Variants in RAMP2 observed in about 807,000 individuals in gnomAD.
RAMP2 encodes receptor activity modifying protein 2.
RAMP2 carries 11 observed loss-of-function variants against 18.2 expected under a neutral mutation model. The ratio of observed to expected loss-of-function variants is 0.60; its 90% confidence interval spans 0.38 to 1.00. RAMP2 has a LOEUF of 1.00. Among genes scored for constraint, RAMP2 ranks in the 50% least tolerant of loss-of-function variants. RAMP2 has a pLI of 0.01. For missense variants in RAMP2, 191 were observed against 226.5 expected, an observed-to-expected ratio of 0.84 and a Z score of 1.01; for synonymous variants, 86 against 90.8, an observed-to-expected ratio of 0.95 and a Z score of 0.30.
chr17:42,761,267 C>T lies in RAMP2; in HGVS notation c.6C>T (p.Ala2=). M[A]SLRVERAGGP... Reference sequence around the variant, plus strand: ...CCTCGCCTCCTTGCTGCACGATGGCCTCGCTCCGGGTGGAGCGCGCCGGCG... The same window carrying T: ...CCTCGCCTCCTTGCTGCACGATGGCTTCGCTCCGGGTGGAGCGCGCCGGCG... The change falls in exon 1 of 4, where the codon GCC becomes GCT. Residue 2 remains alanine, a synonymous_variant. Coordinates refer to ENST00000253796, the MANE Select transcript of RAMP2 (RefSeq NM_005854.3). This position sits in a 1 kb window ranked among gnomAD's most constrained non-coding sequence, Gnocchi z 4.2. 1 of 1,453,520 alleles carries T rather than the reference C, an allele frequency of 6.9e-7. No homozygotes were observed. Among genetic ancestry groups the T allele is most frequent in the Non-Finnish European group, 9.0e-7 (1 of 1,108,694 alleles). 90.0% of individuals were successfully genotyped at this position (1,453,520 alleles called of 1,614,324 possible).
Position 42,761,330 on chromosome 17 carries a change from AGCGCTCCGCC to A in RAMP2, c.70_79del (p.Ala24SerfsTer9). ...CTAGGACCCGAGTCGGGCGGCCGGC[AGCGCTCCGCC>A]TCCTCCTCCTGCTGGGCGGTGAGCG... On this transcript the variant is annotated frameshift_variant, in exon 1 of 4. Transcript: ENST00000253796. LOFTEE classifies it high-confidence loss of function. This position sits in a 1 kb window ranked among gnomAD's most constrained non-coding sequence, Gnocchi z 4.2. The A allele has an allele frequency of 7.9e-7, 1 of 1,271,538 alleles. No individual in the cohort carries two copies. The highest frequency in any genetic ancestry group is 1.0e-6 in the Non-Finnish European group (1 of 1,004,854). 78.8% of individuals were successfully genotyped at this position (1,271,538 alleles called of 1,614,324 possible).
chr17:42,762,352 C>T lies in RAMP2; in HGVS notation c.164-3C>T. Reference sequence around the variant, plus strand: ...GGTCATTGTGTAGCATCTGTACCTACAGGGGGGACGGTGAAGAACTATGAG... The same window carrying T: ...GGTCATTGTGTAGCATCTGTACCTATAGGGGGGACGGTGAAGAACTATGAG... On this transcript the variant is annotated splice_region_variant and splice_polypyrimidine_tract_variant and intron_variant, in intron 2 of 3. Coordinates refer to ENST00000253796, the MANE Select transcript of RAMP2 (RefSeq NM_005854.3). The T allele has an allele frequency of 6.2e-7, 1 of 1,614,028 alleles. No homozygotes were observed. The highest frequency in any genetic ancestry group is 8.5e-7 in the Non-Finnish European group (1 of 1,179,960).
In RAMP2 at chr17:42,761,381, C is replaced by A; in HGVS notation, c.97+23C>A. 1 of 1,304,672 alleles carries A rather than the reference C, an allele frequency of 7.7e-7. No individual in the cohort carries two copies. The allele number at this position is 1,304,672 out of a possible 1,614,324, so 80.8% of individuals were successfully genotyped here. A position where few individuals can be genotyped will look rare whatever the true frequency, so the allele number is the denominator to read the frequency against. ...GCGGTGAGCGCGGCGCCCCGAGGCC[C>A]GGGCGGGAGGCGCGAGAGGCCCCGG... On this transcript the variant is annotated intron_variant, in intron 1 of 3. Coordinates refer to ENST00000253796, the MANE Select transcript of RAMP2 (RefSeq NM_005854.3). The surrounding 1 kb of genome is among the most constrained non-coding windows in gnomAD (Gnocchi z 4.2).
In RAMP2 at chr17:42,761,360, T is replaced by G; in HGVS notation, c.97+2T>G. ...TCCGCCTCCTCCTCCTGCTGGGCGG[T>G]GAGCGCGGCGCCCCGAGGCCCGGGC... On this transcript the variant is annotated splice_donor_variant, in intron 1 of 3. Coordinates refer to ENST00000253796, the MANE Select transcript of RAMP2 (RefSeq NM_005854.3). LOFTEE classifies it high-confidence loss of function. The surrounding 1 kb of genome is among the most constrained non-coding windows in gnomAD (Gnocchi z 4.2). 1 of 1,324,522 alleles carries G rather than the reference T, an allele frequency of 7.5e-7. No individual in the cohort carries two copies. The highest frequency in any genetic ancestry group is 9.6e-7 in the Non-Finnish European group (1 of 1,043,410). The allele number at this position is 1,324,522 out of a possible 1,614,324, so 82.0% of individuals were successfully genotyped here.
chr17:42,761,963 G>A lies in RAMP2; in HGVS notation c.163+64G>A. 6.9e-7 allele frequency: 1 copy of A among 1,445,822 alleles called. No individual in the cohort carries two copies. The highest frequency in any genetic ancestry group is 1.2e-5 in the South Asian group (1 of 83,506). 89.6% of individuals were successfully genotyped at this position (1,445,822 alleles called of 1,614,324 possible). A position where few individuals can be genotyped will look rare whatever the true frequency, so the allele number is the denominator to read the frequency against. On this transcript the variant is annotated intron_variant, in intron 2 of 3. Transcript: ENST00000253796. The surrounding 1 kb of genome is among the most constrained non-coding windows in gnomAD (Gnocchi z 4.2). ...GACGAGAGCAAGTTCAGTGGGGAGG[G>A]TTCCTTTCCCACGAGGCCTGCCCAA... is the stretch of plus-strand genomic sequence containing the variant.
In RAMP2 at chr17:42,761,341, T is replaced by C; in HGVS notation, c.80T>C (p.Leu27Pro). ...TRVGRPAALR[L>P]LLLLGAVLNP... ...GTCGGGCGGCCGGCAGCGCTCCGCC[T>C]CCTCCTCCTGCTGGGCGGTGAGCGC... is the stretch of plus-strand genomic sequence containing the variant. Residue 27 changes from leucine (L) to proline (P), a missense_variant, in exon 1 of 4, where the codon CTC becomes CCC. By Grantham distance (98) the Leu-to-Pro change is moderately conservative (BLOSUM62 -3). Transcript: ENST00000253796. The surrounding 1 kb of genome is among the most constrained non-coding windows in gnomAD (Gnocchi z 4.2). 1 of 1,355,296 alleles carries C rather than the reference T, an allele frequency of 7.4e-7. No homozygotes were observed. The highest frequency in any genetic ancestry group is 9.4e-7 in the Non-Finnish European group (1 of 1,063,570). 84.0% of individuals were successfully genotyped at this position (1,355,296 alleles called of 1,614,324 possible). A position where few individuals can be genotyped will look rare whatever the true frequency, so the allele number is the denominator to read the frequency against.
In RAMP2 at chr17:42,762,582, C is replaced by A; in HGVS notation, c.273-15C>A. On this transcript the variant is annotated splice_polypyrimidine_tract_variant and intron_variant, in intron 3 of 3. Transcript: ENST00000253796. ...GTCCACCCCCTCTCTCACTCAAGTC[C>A]TCTTCTGCCCCTAGGCCTTATAGCA... The A allele has an allele frequency of 6.2e-7, 1 of 1,606,562 alleles. No individual in the cohort carries two copies. The highest frequency in any genetic ancestry group is 8.5e-7 in the Non-Finnish European group (1 of 1,174,096).
Position 42,761,435 on chromosome 17 carries a change from G to A in RAMP2, c.97+77G>A, listed in dbSNP as rs1475932735. On this transcript the variant is annotated intron_variant, in intron 1 of 3. Coordinates refer to ENST00000253796, the MANE Select transcript of RAMP2 (RefSeq NM_005854.3). The surrounding 1 kb of genome is among the most constrained non-coding windows in gnomAD (Gnocchi z 4.2). Reference sequence around the variant, plus strand: ...GGAGAGGGGAGAGGGGAGAGGGGCTGGATGGCCGAGGCCGGAACGGGCCCT... The same window carrying A: ...GGAGAGGGGAGAGGGGAGAGGGGCTAGATGGCCGAGGCCGGAACGGGCCCT... The A allele has an allele frequency of 8.6e-7, 1 of 1,158,436 alleles. No homozygotes were observed. Among genetic ancestry groups the A allele is most frequent in the African/African-American group, 1.6e-5 (1 of 61,282 alleles). The allele number at this position is 1,158,436 out of a possible 1,614,324, so 71.8% of individuals were successfully genotyped here. A position where few individuals can be genotyped will look rare whatever the true frequency, so the allele number is the denominator to read the frequency against.
chr17:42,761,438 T>G lies in RAMP2; in HGVS notation c.97+80T>G. The G allele has an allele frequency of 8.7e-7, 1 of 1,154,920 alleles. No individual in the cohort carries two copies. The highest frequency in any genetic ancestry group is 2.3e-5 in the South Asian group (1 of 42,646). 71.5% of individuals were successfully genotyped at this position (1,154,920 alleles called of 1,614,324 possible). On this transcript the variant is annotated intron_variant, in intron 1 of 3. Coordinates refer to ENST00000253796, the MANE Select transcript of RAMP2 (RefSeq NM_005854.3). This position sits in a 1 kb window ranked among gnomAD's most constrained non-coding sequence, Gnocchi z 4.2. Reference sequence around the variant, plus strand: ...GAGGGGAGAGGGGAGAGGGGCTGGATGGCCGAGGCCGGAACGGGCCCTGGG... The same window carrying G: ...GAGGGGAGAGGGGAGAGGGGCTGGAGGGCCGAGGCCGGAACGGGCCCTGGG...
chr17:42,762,944 A>C lies in RAMP2; in HGVS notation c.*92A>C. Reference sequence around the variant, plus strand: ...CCTCCTACTCCCTTTTCTCACTCTCATCCCCACCACAGATCCCTGGATTGC... The same window carrying C: ...CCTCCTACTCCCTTTTCTCACTCTCCTCCCCACCACAGATCCCTGGATTGC... On this transcript the variant is annotated 3_prime_UTR_variant, in exon 4 of 4. Coordinates refer to ENST00000253796, the MANE Select transcript of RAMP2 (RefSeq NM_005854.3). 2.1e-4 allele frequency: 280 copies of C among 1,349,804 alleles called. No individual in the cohort carries two copies. The highest frequency in any genetic ancestry group is 2.6e-4 in the Non-Finnish European group (257 of 995,166). 83.6% of individuals were successfully genotyped at this position (1,349,804 alleles called of 1,614,324 possible).
In RAMP2 at chr17:42,763,012, T is replaced by C. The variant is rs2054375465; in HGVS notation, c.*160T>C. ...TGGGGTCATGGCACAAGTTCTGTAATCTTCAAAATAAAACTTTTTTTTTGT... is the reference window on the plus strand; with the variant it reads ...TGGGGTCATGGCACAAGTTCTGTAACCTTCAAAATAAAACTTTTTTTTTGT... On this transcript the variant is annotated 3_prime_UTR_variant, in exon 4 of 4. Transcript: ENST00000253796. 4.7e-6 allele frequency: 4 copies of C among 855,368 alleles called. No individual in the cohort carries two copies. The highest frequency in any genetic ancestry group is 6.8e-6 in the Non-Finnish European group (4 of 587,212). 53.0% of individuals were successfully genotyped at this position (855,368 alleles called of 1,614,324 possible). A position where few individuals can be genotyped will look rare whatever the true frequency, so the allele number is the denominator to read the frequency against.
chr17:42,762,711 C>T lies in RAMP2; in HGVS notation c.387C>T (p.Ala129=). The change falls in exon 4 of 4, where the codon GCC becomes GCT. Residue 129 remains alanine, a synonymous_variant. Coordinates refer to ENST00000253796, the MANE Select transcript of RAMP2 (RefSeq NM_005854.3). ...TTGAGACTCACCAGATCCACTTTGCCAACTGCTCCCTGGTGCAGCCCACCT... is the reference window on the plus strand; with the variant it reads ...TTGAGACTCACCAGATCCACTTTGCTAACTGCTCCCTGGTGCAGCCCACCT... ...IIFETHQIHF[A]NCSLVQPTFS... 6.2e-7 allele frequency: 1 copy of T among 1,614,132 alleles called. No individual in the cohort carries two copies. Among genetic ancestry groups the T allele is most frequent in the Non-Finnish European group, 8.5e-7 (1 of 1,180,000 alleles).
chr17:42,762,506 C>T, intron 3 of RAMP2, 43 bp downstream of exon 3: 1 of 1,611,078 alleles, frequency 6.2e-7, no homozygotes, highest in Non-Finnish European at 8.5e-7. Context: ...GGGGGTGGAC[C>T]TGCTCATTGC....
chr17:42,761,718 C>T lies in RAMP2; in HGVS notation c.98-116C>T. 1.1e-6 allele frequency: 1 copy of T among 890,132 alleles called. No individual in the cohort carries two copies. The highest frequency in any genetic ancestry group is 1.5e-5 in the South Asian group (1 of 65,784). 55.1% of individuals were successfully genotyped at this position (890,132 alleles called of 1,614,324 possible). A position where few individuals can be genotyped will look rare whatever the true frequency, so the allele number is the denominator to read the frequency against. On this transcript the variant is annotated intron_variant, in intron 1 of 3. Coordinates refer to ENST00000253796, the MANE Select transcript of RAMP2 (RefSeq NM_005854.3). This position sits in a 1 kb window ranked among gnomAD's most constrained non-coding sequence, Gnocchi z 4.2. Reference sequence around the variant, plus strand: ...GGCGTCCGTGGGGGCTAGATTATTCCTCCTTTTCTTCCAAGGTAGCCTATT... The same window carrying T: ...GGCGTCCGTGGGGGCTAGATTATTCTTCCTTTTCTTCCAAGGTAGCCTATT...
At position 42,761,806 on chromosome 17, in the gene RAMP2, T is replaced by C; in HGVS notation, c.98-28T>C. The C allele has an allele frequency of 6.5e-7, 1 of 1,545,612 alleles. No individual in the cohort carries two copies. The highest frequency in any genetic ancestry group is 1.7e-5 in the Admixed American group (1 of 59,886). ...TCCACTGCCGGGGTCCCCGCTATGT[T>C]ACCCTCCTCTCCCGTTTCTTCCCAC... On this transcript the variant is annotated intron_variant, in intron 1 of 3. Coordinates refer to ENST00000253796, the MANE Select transcript of RAMP2 (RefSeq NM_005854.3). The surrounding 1 kb of genome is among the most constrained non-coding windows in gnomAD (Gnocchi z 4.2).
Position 42,762,714 on chromosome 17 carries a change from C to CTGCTCCCTGG in RAMP2, c.394_403dup (p.Gln135LeufsTer9). On this transcript the variant is annotated frameshift_variant, in exon 4 of 4. Transcript: ENST00000253796. LOFTEE classifies it high-confidence loss of function. ...AGACTCACCAGATCCACTTTGCCAACTGCTCCCTGGTGCAGCCCACCTTCT... is the reference window on the plus strand; with the variant it reads ...AGACTCACCAGATCCACTTTGCCAACTGCTCCCTGGTGCTCCCTGGTGCAGCCCACCTTCT... 2 of 1,614,150 alleles carry CTGCTCCCTGG rather than the reference C, an allele frequency of 1.2e-6. No homozygotes were observed. Among genetic ancestry groups the CTGCTCCCTGG allele is most frequent in the Non-Finnish European group, 1.7e-6 (2 of 1,180,004 alleles).
In RAMP2 at chr17:42,761,245, C is replaced by A. The variant is rs1365268922; in HGVS notation, c.-17C>A. ...CCGGCTCAGCGCCGCCGCCGCTCCT[C>A]GCCTCCTTGCTGCACGATGGCCTCG... is the stretch of plus-strand genomic sequence containing the variant. On this transcript the variant is annotated 5_prime_UTR_variant, in exon 1 of 4. Transcript: ENST00000253796. This position sits in a 1 kb window ranked among gnomAD's most constrained non-coding sequence, Gnocchi z 4.2. 2.8e-6 allele frequency: 4 copies of A among 1,452,726 alleles called. No homozygotes were observed. The East Asian group carries it at 9.2e-5, about 34-fold the overall frequency. The allele number at this position is 1,452,726 out of a possible 1,614,324, so 90.0% of individuals were successfully genotyped here. A position where few individuals can be genotyped will look rare whatever the true frequency, so the allele number is the denominator to read the frequency against.
chr17:42,762,651 G>A lies in RAMP2; in HGVS notation c.327G>A (p.Leu109=). The change falls in exon 4 of 4, where the codon CTG becomes CTA. Residue 109 remains leucine (L), a synonymous_variant. Transcript: ENST00000253796. ...AGCACTTTGCAGAGTTGTTTGACCT[G>A]GGCTTCCCCAATCCCTTGGCAGAGA... The part of the protein sequence containing the change: ...CLEHFAELFD[L]GFPNPLAERI... The A allele has an allele frequency of 6.2e-7, 1 of 1,614,006 alleles. No homozygotes were observed. The highest frequency in any genetic ancestry group is 2.2e-5 in the East Asian group (1 of 44,878).
At position 42,762,862 on chromosome 17, in the gene RAMP2, A is replaced by G. The variant is rs1379882094; in HGVS notation, c.*10A>G. ...TGAGGCCCAGGCCTAGGGGGCCACGAGCTTCTCAACAACCATGTTACTCCA... is the reference window on the plus strand; with the variant it reads ...TGAGGCCCAGGCCTAGGGGGCCACGGGCTTCTCAACAACCATGTTACTCCA... On this transcript the variant is annotated 3_prime_UTR_variant, in exon 4 of 4. Transcript: ENST00000253796. 1 of 1,572,484 alleles carries G rather than the reference A, an allele frequency of 6.4e-7. No homozygotes were observed. Among genetic ancestry groups the G allele is most frequent in the Admixed American group, 1.8e-5 (1 of 57,140 alleles).
Sources: allele counts gnomAD v4.1 joint callset, GRCh38; gene constraint gnomAD v4.1.1; non-coding constraint Gnocchi (gnomAD v3.1); transcripts MANE v1.5; gene names NCBI Gene and HGNC (gene_info 2026-07-23, HGNC 2026-07-21).